Variants in FNDC3A observed in about 807,000 individuals in gnomAD.
The protein encoded by FNDC3A is fibronectin type-III domain-containing protein 3A.
In FNDC3A, 32 loss-of-function variants were observed where a neutral mutation model predicts 148.9. The ratio of observed to expected loss-of-function variants is 0.21; its 90% CI spans 0.16 to 0.29. FNDC3A has a LOEUF of 0.29. Ranked by LOEUF, FNDC3A falls within the 10% of genes least tolerant of loss-of-function variation. FNDC3A has a pLI of 1.00. For synonymous variants in FNDC3A, 472 were observed against 473.6 expected (o/e 1.00, Z 0.04); for missense variants, 1,191 against 1,452.8 (o/e 0.82, Z 2.93).
intron 22 of FNDC3A, 34 bp downstream of exon 22, chr13:49,198,299 G>A (rs751312665): frequency 6.2e-7 from 1 of 1,611,190 alleles, no homozygotes; most frequent in Non-Finnish European, 8.5e-7. Flanking sequence ...TTTTTGCCTA[G>A]ACCAGAGAGA....
intron 23 of FNDC3A, among the ~76,000 whole-genome samples, chr13:49,199,221 A>G (rs564595724): frequency 1.3e-5 from 2 of 151,630 alleles, no homozygotes; most frequent in African/African-American, 4.8e-5. Context: ...GGGTTTCACC[A>G]TGTCGCTCAC....
At chr13:49,040,120 A>G (rs967614744) in intron 2 of FNDC3A, among the ~76,000 whole-genome samples, 7 of 152,224 alleles carry the variant, frequency 4.6e-5, no homozygotes, top group Non-Finnish European at 8.8e-5. Flanking sequence ...ATTTGCAGTC[A>G]TGATAAATTC....
rs545300779 is a variant in FNDC3A at position 49,011,888 on chromosome 13, C to T, written c.99+5599C>T. ...AAATATATTCTAAAAACTATACTTT[C>T]GCGTTGAACATTTTATTCCAAAATC... On this transcript the variant is annotated intron_variant, in intron 2 of 25. Coordinates refer to ENST00000492622, the MANE Select transcript of FNDC3A (RefSeq NM_001079673.2). Among the ~76,000 whole-genome samples, 7 of 152,264 alleles carry T rather than the reference C, an allele frequency of 4.6e-5. No homozygotes were observed. In the East Asian group the frequency reaches 9.6e-4, roughly 21 times the overall value.
chr13:49,067,158 C>T (rs912003081), intron 2 of FNDC3A, among the ~76,000 whole-genome samples: 5 of 151,982 alleles, frequency 3.3e-5, no homozygotes, highest in Non-Finnish European at 5.9e-5. Context: ...GAGGGAAGAA[C>T]TAAAAATTTT....
intron 2 of FNDC3A, among the ~76,000 whole-genome samples, chr13:49,037,198 C>T (rs1874557962): frequency 6.6e-6 from 1 of 152,202 alleles, no homozygotes; most frequent in African/African-American, 2.4e-5. Context: ...TCATACAGCA[C>T]TTACAGTAAC....
At chr13:49,158,385 A>G (rs147098817) in intron 8 of FNDC3A, among the ~76,000 whole-genome samples, 5,261 of 152,276 alleles carry the variant, frequency 0.035, 283 homozygotes, top group African/African-American at 0.11. Flanking sequence ...CGGCTCGCCC[A>G]CGGTACGCGC....
chr13:49,005,654 G>T (rs1475547469), intron 1 of FNDC3A, among the ~76,000 whole-genome samples: 1 of 151,884 alleles, frequency 6.6e-6, no homozygotes, highest in Non-Finnish European at 1.5e-5. Context: ...TGTTTTGTCT[G>T]AGGAATCAGT....
At chr13:49,194,789 C>CT (rs781583147) in intron 19 of FNDC3A, among the ~76,000 whole-genome samples, 16 of 151,542 alleles carry the variant, frequency 1.1e-4, no homozygotes, top group Non-Finnish European at 2.1e-4. Context: ...TAAAAGGTTT[C>CT]TTTTTTTTCC....
intron 3 of FNDC3A, among the ~76,000 whole-genome samples, chr13:49,091,314 C>G (rs1045796175): frequency 1.3e-5 from 2 of 151,276 alleles, no homozygotes; most frequent in Non-Finnish European, 2.9e-5. Context: ...TGAAAAAAGA[C>G]TCAGTGGTAG....
intron 1 of FNDC3A, among the ~76,000 whole-genome samples, chr13:48,999,411 C>T (rs943038121): frequency 2.6e-5 from 4 of 152,172 alleles, no homozygotes; most frequent in Non-Finnish European, 4.4e-5. Flanking sequence ...TTTGCAAATA[C>T]ATAACATATC....
chr13:49,051,301 G>A (rs1327389283), intron 2 of FNDC3A, among the ~76,000 whole-genome samples: 2 of 152,068 alleles, frequency 1.3e-5, no homozygotes, highest in African/African-American at 2.4e-5. Flanking sequence ...TTCTATTTTG[G>A]TGTATTTTGC....
intron 8 of FNDC3A, among the ~76,000 whole-genome samples, chr13:49,159,412 C>T (rs1034539296): frequency 6.6e-6 from 1 of 151,996 alleles, no homozygotes; most frequent in Non-Finnish European, 1.5e-5. Flanking sequence ...CATGATTTGG[C>T]TCTGTTTGTC....
chr13:48,991,748 G>A (rs1168536858), intron 1 of FNDC3A, among the ~76,000 whole-genome samples: 1 of 152,038 alleles, frequency 6.6e-6, no homozygotes, highest in Non-Finnish European at 1.5e-5. Flanking sequence ...TGCTGGAACT[G>A]CAAAGAGAAA....
Position 49,191,176 on chromosome 13 carries a change from T to A in FNDC3A, c.2051-33T>A, listed in dbSNP as rs752747149. 9.4e-6 allele frequency: 15 copies of A among 1,603,864 alleles called. No homozygotes were observed. In the South Asian group the frequency reaches 1.5e-4, roughly 16 times the overall value. Reference sequence around the variant, plus strand: ...TAAGCTAGAACAGGAAGTATTCGTCTTGTTAAATTGCATTAATCTTTCCAT... The same window carrying A: ...TAAGCTAGAACAGGAAGTATTCGTCATGTTAAATTGCATTAATCTTTCCAT... On this transcript the variant is annotated intron_variant, in intron 18 of 25. Coordinates refer to ENST00000492622, the MANE Select transcript of FNDC3A (RefSeq NM_001079673.2).
chr13:48,975,832 C>G (rs934287045), upstream of FNDC3A: 7 of 151,440 alleles, frequency 4.6e-5, no homozygotes, highest in African/African-American at 1.5e-4. Flanking sequence ...GGGCTCGAGG[C>G]GGGGGTTCGG....
chr13:49,000,258 A>G (rs113857737), intron 1 of FNDC3A, among the ~76,000 whole-genome samples: 98 of 152,298 alleles, frequency 6.4e-4, no homozygotes, highest in African/African-American at 2.0e-3. Context: ...TAATTTTTGT[A>G]TATAGTGTAA....
chr13:49,030,971 T>G (rs574145984), intron 2 of FNDC3A, among the ~76,000 whole-genome samples: 87 of 152,352 alleles, frequency 5.7e-4, no homozygotes, highest in Non-Finnish European at 1.0e-3. Flanking sequence ...ATTCCCAGCT[T>G]ACTTCTTTGT....
chr13:49,116,533 G>A (rs1159114192), intron 4 of FNDC3A, among the ~76,000 whole-genome samples: 6 of 152,164 alleles, frequency 3.9e-5, no homozygotes, highest in Non-Finnish European at 5.9e-5. Flanking sequence ...GGTGGCTCAC[G>A]CCTGTAATCC....
chr13:49,070,033 GA>G (rs1171761568), intron 2 of FNDC3A, among the ~76,000 whole-genome samples: 9 of 152,090 alleles, frequency 5.9e-5, no homozygotes, highest in Admixed American at 3.3e-4. Context: ...TAAAAACTAG[GA>G]AAAATAGGAA....
Sources: gnomAD v4.1 joint callset for allele counts (sites outside exome capture counted in the v4.1 genomes callset) on GRCh38, gnomAD v4.1.1 for gene constraint, MANE v1.5 for transcripts, NCBI Gene and HGNC (gene_info 2026-07-23, HGNC 2026-07-21) for gene names.